The following TCF4 variants were observed in gnomAD, a reference collection of about 807,000 sequenced individuals.
TCF4 encodes transcription factor 4.
Under a neutral mutation model 82.1 loss-of-function variants are expected in TCF4, and 3 were observed. The observed-to-expected ratio is 0.04, with a 90% CI of 0.02 to 0.09. The LOEUF is 0.09. TCF4 is among the 10% of genes least tolerant of loss of function. The pLI is 1.00. For missense variants in TCF4, 518 were observed against 852.7 expected (o/e 0.61, Z 4.89); for synonymous variants, 276 against 309.6 (o/e 0.89, Z 1.14).
intron 5 of TCF4, among the ~76,000 whole-genome samples, chr18:55,405,669 A>C (rs1421823918): frequency 1.3e-5 from 2 of 152,142 alleles, no homozygotes; most frequent in African/African-American, 4.8e-5. Flanking sequence ...TTAAAGATAA[A>C]AGGGCAGGAT....
exon 1 of TCF4, chr18:55,635,896 A>C (rs1386574530): frequency 6.4e-7 from 1 of 1,570,884 alleles, no homozygotes; most frequent in African/African-American, 1.4e-5. Context: ...TTTAGAAAAC[A>C]TGGTGTTGTT....
Position 55,447,186 on chromosome 18 carries a change from C to T in TCF4, c.304+13833G>A, listed in dbSNP as rs1165308756. Among the ~76,000 whole-genome samples, 28 of 151,520 alleles carry T rather than the reference C, an allele frequency of 1.8e-4. 1 individual carries two copies. Among genetic ancestry groups the T allele is most frequent in the Admixed American group, 1.8e-3 (28 of 15,210 alleles). ...ATTAGCCAGGTGTGGTGGCACGTGCCCACAGTCCCTGCCACCAGGAGGCCA... is the reference window on the plus strand; with the variant it reads ...ATTAGCCAGGTGTGGTGGCACGTGCTCACAGTCCCTGCCACCAGGAGGCCA... On this transcript the variant is annotated intron_variant, in intron 5 of 19. Coordinates refer to ENST00000354452, the MANE Select transcript of TCF4 (RefSeq NM_001083962.2).
Position 55,261,472 on chromosome 18 carries a change from A to G in TCF4, c.984T>C (p.Leu328=). 1.2e-6 allele frequency: 2 copies of G among 1,613,916 alleles called. No homozygotes were observed. The highest frequency in any genetic ancestry group is 1.7e-6 in the Non-Finnish European group (2 of 1,179,846). ...SQTGDALGKA[L]ASIYSPDHTN... ...AAAGTCAATATTTCCTCACCGAAGC[A>G]AGTGCTTTCCCCAGAGCATCTCCAG... is the stretch of plus-strand genomic sequence containing the variant. Residue 328 remains leucine (L), a synonymous_variant, in exon 12 of 20, where the codon CTT becomes CTC. Transcript: ENST00000354452.
At chr18:55,500,833 T>C (rs2096690346) in intron 3 of TCF4, among the ~76,000 whole-genome samples, 1 of 152,202 alleles carries the variant, frequency 6.6e-6, no homozygotes, top group Admixed American at 6.5e-5. Flanking sequence ...CTGGCTTCAT[T>C]ATATCACAAA....
chr18:55,487,721 A>G (rs984087299), intron 3 of TCF4, among the ~76,000 whole-genome samples: 5 of 152,190 alleles, frequency 3.3e-5, no homozygotes, highest in African/African-American at 9.7e-5. Flanking sequence ...AAAATAGACA[A>G]GGATGGGATA....
At chr18:55,448,848 G>A (rs752808168) in intron 5 of TCF4, among the ~76,000 whole-genome samples, 11 of 152,180 alleles carry the variant, frequency 7.2e-5, no homozygotes, top group African/African-American at 2.4e-4. Context: ...GAGAACAGCC[G>A]TAAATTTTTA....
chr18:55,586,331 C>T, intron 2 of TCF4: 1 of 669,944 alleles, frequency 1.5e-6, no homozygotes, highest in South Asian at 1.6e-5. Context: ...ACTCATCTGG[C>T]ATTAAAAATG....
chr18:55,417,853 A>G (rs1454454079), intron 5 of TCF4, among the ~76,000 whole-genome samples: 1 of 152,178 alleles, frequency 6.6e-6, no homozygotes, highest in African/African-American at 2.4e-5. Context: ...ATTAAAAACA[A>G]ATGTTTTTAT....
At chr18:55,365,209 GTATA>G (rs1167939578) in intron 6 of TCF4, among the ~76,000 whole-genome samples, 2 of 126,802 alleles carry the variant, frequency 1.6e-5, no homozygotes, top group Non-Finnish European at 3.2e-5. Context: ...GTGTGTGTGT[GTATA>G]TATATGTGTG....
intron 3 of TCF4, among the ~76,000 whole-genome samples, chr18:55,485,002 G>A (rs886796605): frequency 2.6e-5 from 4 of 152,152 alleles, no homozygotes; most frequent in Non-Finnish European, 4.4e-5. Context: ...CCCCAGGCCA[G>A]ATACTGGTTT....
At chr18:55,517,823 C>T (rs2096897582) in intron 3 of TCF4, among the ~76,000 whole-genome samples, 2 of 152,146 alleles carry the variant, frequency 1.3e-5, no homozygotes, top group Admixed American at 6.5e-5. Context: ...CAGACACACA[C>T]AGCAGCTCCA....
intron 3 of TCF4, among the ~76,000 whole-genome samples, chr18:55,560,798 C>CT (rs150678721): frequency 8.8e-4 from 131 of 149,322 alleles, no homozygotes; most frequent in Admixed American, 3.7e-3. Context: ...CTGTGAACTC[C>CT]TTTTTTTTTT....
At chr18:55,240,153 A>G (rs1484651468) in intron 15 of TCF4, among the ~76,000 whole-genome samples, 2 of 152,256 alleles carry the variant, frequency 1.3e-5, no homozygotes, top group Admixed American at 1.3e-4. Context: ...TGGTACATCA[A>G]AATTAAAGTT....
chr18:55,598,776 G>C (rs1305954827), intron 2 of TCF4, among the ~76,000 whole-genome samples: 2 of 152,188 alleles, frequency 1.3e-5, no homozygotes. Context: ...ATGATAAAGG[G>C]CTTGCAAATC....
intron 8 of TCF4, among the ~76,000 whole-genome samples, chr18:55,296,839 AC>A (rs2066628318): frequency 6.6e-6 from 1 of 152,178 alleles, no homozygotes; most frequent in African/African-American, 2.4e-5. Flanking sequence ...GGGGGAGTGC[AC>A]CAAGGTGGCT....
intron 5 of TCF4, among the ~76,000 whole-genome samples, chr18:55,458,510 T>C (rs544236622): frequency 4.3e-4 from 65 of 152,378 alleles, no homozygotes; most frequent in Non-Finnish European, 6.0e-4. Flanking sequence ...GTTTTTATTA[T>C]CATTTGTAAA....
chr18:55,625,002 T>C (rs189465855), intron 2 of TCF4, among the ~76,000 whole-genome samples: 2 of 152,310 alleles, frequency 1.3e-5, no homozygotes, highest in African/African-American at 4.8e-5. Flanking sequence ...TACAAAGTAC[T>C]ACAGATTGTT....
At chr18:55,403,573 C>T (rs756579968) in intron 5 of TCF4, 55 bp from the exon 6 acceptor site, 1 of 1,613,594 alleles carries the variant, frequency 6.2e-7, no homozygotes, top group Admixed American at 1.7e-5. Flanking sequence ...AAAAAAAAAT[C>T]TCCTCCAGGT....
upstream of TCF4, among the ~76,000 whole-genome samples, chr18:55,589,003 T>A (rs981700758): frequency 3.9e-5 from 6 of 152,190 alleles, no homozygotes. Context: ...ACATCACTTT[T>A]TAGGATAAAA....
Sources: allele counts gnomAD v4.1 joint callset (sites outside exome capture counted in the v4.1 genomes callset), GRCh38; gene constraint gnomAD v4.1.1; transcripts MANE v1.5; gene names NCBI Gene and HGNC (gene_info 2026-07-23, HGNC 2026-07-21).